The following POLA1 variants were observed in gnomAD, a reference collection of about 807,000 sequenced individuals.
POLA1 encodes the protein DNA polymerase alpha catalytic subunit.
In POLA1, 15 loss-of-function variants were observed where a neutral mutation model predicts 124.0. The observed-to-expected ratio is 0.12, with a 90% CI of 0.08 to 0.19. POLA1 has a LOEUF of 0.19. Ranked by LOEUF, POLA1 falls within the 10% of genes least tolerant of loss-of-function variation. POLA1 has a pLI of 1.00. For synonymous variants in POLA1, 408 were observed against 389.4 expected (o/e 1.05, Z -0.56); for missense variants, 886 against 1,103.4 (o/e 0.80, Z 2.79).
chrX:24,742,262 T>C (rs1420174931), intron 22 of POLA1, 141 bp downstream of exon 22: 3 of 519,702 alleles, frequency 5.8e-6, no homozygotes, highest in Admixed American at 4.9e-5. Flanking sequence ...GTGTCAAGTT[T>C]ATTCCCTTGT....
chrX:24,732,599 G>GTTTTTT, intron 16 of POLA1, 145 bp downstream of exon 16: 1 of 210,940 alleles, frequency 4.7e-6, no homozygotes, highest in Non-Finnish European at 8.0e-6. Context: ...GTTTTTTTTT[G>GTTTTTT]TTTTTTTTTT....
intron 1 of POLA1, among the ~76,000 whole-genome samples, chrX:24,694,745 G>C (rs1310895879): frequency 3.6e-5 from 4 of 112,301 alleles, no homozygotes; most frequent in Non-Finnish European, 7.5e-5. Context: ...ACTAAAGCGT[G>C]ACTTCAGTTA....
intron 36 of POLA1, among the ~76,000 whole-genome samples, chrX:24,972,118 G>A (rs2048310740): frequency 9.1e-6 from 1 of 110,390 alleles, no homozygotes; most frequent in Non-Finnish European, 1.9e-5. Flanking sequence ...GCAGGTGCCT[G>A]CCACCACGCC....
chrX:24,744,560 T>A (rs1412633324), intron 23 of POLA1: 4 of 351,587 alleles, frequency 1.1e-5, no homozygotes. Flanking sequence ...GTCGTTCCAC[T>A]ACTGACATTT....
At chrX:24,930,316 G>A (rs2047756250) in intron 35 of POLA1, 137 bp from the exon 36 acceptor site, 2 of 470,049 alleles carry the variant, frequency 4.3e-6, no homozygotes, top group African/African-American at 4.8e-5. Flanking sequence ...GTATGATTCT[G>A]CCCTTCTTAC....
At chrX:24,765,422 A>G (rs1932881556) in intron 26 of POLA1, among the ~76,000 whole-genome samples, 1 of 107,301 alleles carries the variant, frequency 9.3e-6, no homozygotes, top group Non-Finnish European at 1.9e-5. Flanking sequence ...CAGCCTCCTG[A>G]GTAGCTGGGA....
intron 34 of POLA1, among the ~76,000 whole-genome samples, chrX:24,873,712 C>A (rs370250915): frequency 8.9e-6 from 1 of 111,832 alleles, no homozygotes; most frequent in East Asian, 2.8e-4. Context: ...GTGGCTCAAA[C>A]CTGTAATCCC....
At chrX:24,988,826 C>T (rs1373037512) in intron 36 of POLA1, among the ~76,000 whole-genome samples, 1 of 111,078 alleles carries the variant, frequency 9.0e-6, no homozygotes, top group African/African-American at 3.3e-5. Flanking sequence ...ATTAGCCAGG[C>T]GTGGTGGCAG....
chrX:24,750,536 G>A (rs749728529), intron 26 of POLA1, among the ~76,000 whole-genome samples: 5 of 112,641 alleles, frequency 4.4e-5, no homozygotes, highest in Admixed American at 9.4e-5. Context: ...TCACTCTTCT[G>A]TTGGCAGCCG....
At chrX:24,697,227 C>T (rs148413608) in intron 1 of POLA1, among the ~76,000 whole-genome samples, 15 of 111,239 alleles carry the variant, frequency 1.3e-4, no homozygotes, top group Non-Finnish European at 2.3e-4. Flanking sequence ...TGTAGTGGGA[C>T]GTTGCCTGTG....
chrX:24,844,253 A>G (rs907758105), intron 34 of POLA1, among the ~76,000 whole-genome samples: 4 of 112,128 alleles, frequency 3.6e-5, no homozygotes, highest in Non-Finnish European at 7.5e-5. Context: ...ATGCCAGAAC[A>G]GTGAGTGATT....
Position 24,956,301 on chromosome X carries a change from TCAA to T in POLA1, c.4261+25756_4261+25758del, listed in dbSNP as rs1249448226. ...AAGCAAGACCCTGTCTTTAAAAAAA[TCAA>T]CAAATTATATATACACATGTATTTA... On this transcript the variant is annotated intron_variant, in intron 36 of 36. Coordinates refer to ENST00000379068, the MANE Select transcript of POLA1 (RefSeq NM_001330360.2). Among the ~76,000 whole-genome samples the T allele has an allele frequency of 3.7e-5, 4 of 109,047 alleles. No homozygotes were observed. The South Asian group carries it at 1.6e-3, about 43-fold the overall frequency. 94.7% of individuals were successfully genotyped at this position (109,047 alleles called of 115,157 possible).
chrX:24,805,865 C>A (rs1342919182), intron 26 of POLA1, among the ~76,000 whole-genome samples: 2 of 109,983 alleles, frequency 1.8e-5, no homozygotes, highest in Non-Finnish European at 3.8e-5. Flanking sequence ...GAATGGGCAG[C>A]TTTAATATTA....
At chrX:24,945,163 C>T (rs1228079736) in intron 36 of POLA1, among the ~76,000 whole-genome samples, 5 of 112,714 alleles carry the variant, frequency 4.4e-5, no homozygotes, top group Non-Finnish European at 9.4e-5. Context: ...ATATGTAAAA[C>T]GTCTGGGACA....
chrX:24,944,920 T>G (rs1162438981), intron 36 of POLA1, among the ~76,000 whole-genome samples: 1 of 112,148 alleles, frequency 8.9e-6, no homozygotes, highest in Non-Finnish European at 1.9e-5. Flanking sequence ...GTTGTTTTGT[T>G]CCTTCCTTCT....
chrX:24,947,811 A>G (rs892850839), intron 36 of POLA1, among the ~76,000 whole-genome samples: 1 of 112,256 alleles, frequency 8.9e-6, no homozygotes, highest in African/African-American at 3.2e-5. Flanking sequence ...TTTGTAAACA[A>G]TACTACTAAT....
At chrX:24,895,423 T>G (rs2047194573) in intron 35 of POLA1, among the ~76,000 whole-genome samples, 1 of 112,294 alleles carries the variant, frequency 8.9e-6, no homozygotes, top group Non-Finnish European at 1.9e-5. Flanking sequence ...GGGTACAAGA[T>G]GGAGAAAAGG....
chrX:24,937,989 T>TAAG (rs1415539758), intron 36 of POLA1, among the ~76,000 whole-genome samples: 1 of 112,488 alleles, frequency 8.9e-6, no homozygotes, highest in African/African-American at 3.2e-5. Flanking sequence ...TGACAAGGGC[T>TAAG]AAGAGAGGGG....
At chrX:24,811,446 C>T (rs751819097) in intron 28 of POLA1, among the ~76,000 whole-genome samples, 85 of 109,531 alleles carry the variant, frequency 7.8e-4, no homozygotes, top group African/African-American at 2.5e-3. Flanking sequence ...TGCACCATCA[C>T]GCCCCCCTAA....
Sources: allele counts gnomAD v4.1 joint callset (sites outside exome capture counted in the v4.1 genomes callset), GRCh38; gene constraint gnomAD v4.1.1; transcripts MANE v1.5; gene names NCBI Gene and HGNC (gene_info 2026-07-23, HGNC 2026-07-21).